ABLIM1: variants seen among roughly 807,000 people sequenced by gnomAD.
ABLIM1 encodes actin binding LIM protein 1.
ABLIM1 carries 40 observed loss-of-function variants against 107.0 expected under a neutral mutation model. That is an observed-to-expected ratio of 0.37 (90% CI 0.29 to 0.49). ABLIM1 has a LOEUF of 0.49. Among genes scored for constraint, ABLIM1 ranks in the 20% least tolerant of loss-of-function variants. ABLIM1 has a pLI of 0.97. For missense variants in ABLIM1, 857 were observed against 1,008.5 expected (o/e 0.85, Z 2.04); for synonymous variants, 357 against 357.3 (o/e 1.00, Z 0.01).
At chr10:114,663,246 G>A (rs765592675), upstream of ABLIM1, among the ~76,000 whole-genome samples, 3 of 152,134 alleles carry the variant, frequency 2.0e-5, no homozygotes, top group Non-Finnish European at 2.9e-5. Context: ...GAATCACTCT[G>A]GCTAGAATCA....
chr10:114,739,963 T>C (rs1161807074), intron 1 of ABLIM1, among the ~76,000 whole-genome samples: 1 of 152,132 alleles, frequency 6.6e-6, no homozygotes, highest in Non-Finnish European at 1.5e-5. Context: ...TTGAGTATAC[T>C]AGATGGATTC....
intron 6 of ABLIM1, among the ~76,000 whole-genome samples, chr10:114,502,516 A>G (rs1315512524): frequency 6.6e-6 from 1 of 151,670 alleles, no homozygotes; most frequent in Non-Finnish European, 1.5e-5. Flanking sequence ...TTATTTTTTG[A>G]GACAGAGATT....
chr10:114,717,726 G>A (rs1223102276), intron 1 of ABLIM1, among the ~76,000 whole-genome samples: 1 of 151,926 alleles, frequency 6.6e-6, no homozygotes, highest in East Asian at 1.9e-4. Context: ...ATCAGCCTGG[G>A]TAACATGGCA....
intron 1 of ABLIM1, among the ~76,000 whole-genome samples, chr10:114,746,173 C>T (rs2082380679): frequency 1.3e-5 from 2 of 152,152 alleles, no homozygotes; most frequent in Admixed American, 1.3e-4. Context: ...TATTCACATG[C>T]TCCGCCACTG....
upstream of ABLIM1, among the ~76,000 whole-genome samples, chr10:114,658,578 G>A (rs1195834119): frequency 6.6e-6 from 1 of 152,104 alleles, no homozygotes; most frequent in Non-Finnish European, 1.5e-5. Context: ...ATAGGGCTAG[G>A]GATATATACA....
At chr10:114,562,376 A>T (rs1273771620) in intron 4 of ABLIM1, among the ~76,000 whole-genome samples, 1 of 152,086 alleles carries the variant, frequency 6.6e-6, no homozygotes, top group East Asian at 1.9e-4. Flanking sequence ...AAAAATACAA[A>T]AAATTAGCCG....
chr10:114,559,790 C>A (rs2069397724), intron 4 of ABLIM1, among the ~76,000 whole-genome samples: 1 of 152,230 alleles, frequency 6.6e-6, no homozygotes, highest in South Asian at 2.1e-4. Context: ...ACTGTTGATA[C>A]TCTTTTTTCT....
intron 1 of ABLIM1, among the ~76,000 whole-genome samples, chr10:114,683,892 TAGGGAA>T (rs1334751183): frequency 6.6e-6 from 1 of 152,058 alleles, no homozygotes; most frequent in East Asian, 1.9e-4. Flanking sequence ...AACACAACTG[TAGGGAA>T]AGCATCCTAG....
chr10:114,712,130 A>C (rs2081562796), intron 1 of ABLIM1, among the ~76,000 whole-genome samples: 1 of 152,088 alleles, frequency 6.6e-6, no homozygotes, highest in Non-Finnish European at 1.5e-5. Context: ...AGGTGGTTGG[A>C]TCATTTGAGG....
the ABLIM1 span, among the ~76,000 whole-genome samples, chr10:114,790,446 G>C: frequency 3.7e-4 from 57 of 152,210 alleles, 2 homozygotes; most frequent in South Asian, 0.012. Flanking sequence ...ATGTCAAAGA[G>C]AGAAAAACCC....
intron 1 of ABLIM1, among the ~76,000 whole-genome samples, chr10:114,703,926 A>G (rs1280393020): frequency 1.3e-5 from 2 of 152,158 alleles, no homozygotes; most frequent in Non-Finnish European, 2.9e-5. Context: ...GCATCAATGT[A>G]AAGGAGTGAA....
intron 1 of ABLIM1, among the ~76,000 whole-genome samples, chr10:114,706,246 G>A (rs560662027): frequency 1.6e-4 from 24 of 152,316 alleles, no homozygotes; most frequent in Admixed American, 1.3e-3. Context: ...GAGTTCAACT[G>A]ATTTAGGCAC....
chr10:114,610,237 A>G (rs2076715044), intron 1 of ABLIM1, among the ~76,000 whole-genome samples: 1 of 152,230 alleles, frequency 6.6e-6, no homozygotes, highest in African/African-American at 2.4e-5. Flanking sequence ...AGGGTGAGAT[A>G]GCAAGGAAAC....
intron 1 of ABLIM1, chr10:114,684,278 G>C (rs769117029): frequency 6.2e-7 from 1 of 1,611,950 alleles, no homozygotes; most frequent in Non-Finnish European, 8.5e-7. Flanking sequence ...TTTACAAAAT[G>C]GACGGTCTAA....
the ABLIM1 span, among the ~76,000 whole-genome samples, chr10:114,800,755 T>C: frequency 9.2e-5 from 14 of 151,892 alleles, no homozygotes; most frequent in Non-Finnish European, 1.5e-4. Context: ...CTACTAAAAA[T>C]ACAAAAATTA....
rs1289909364 is a variant in ABLIM1, at chr10:114,619,735, C to A, written c.245-17774G>T. 6.6e-6 allele frequency among the ~76,000 whole-genome samples: 1 copy of A among 152,190 alleles called. No homozygotes were observed. Among genetic ancestry groups the A allele is most frequent in the Admixed American group, 6.5e-5 (1 of 15,276 alleles). Reference sequence around the variant, plus strand: ...GACTCATAGGGAAAAGTGATCCCAACTGAAAAAGCAATTCCAGAAATACCA... The same window carrying A: ...GACTCATAGGGAAAAGTGATCCCAAATGAAAAAGCAATTCCAGAAATACCA... On this transcript the variant is annotated intron_variant, in intron 1 of 22. Coordinates refer to ENST00000533213, the MANE Select transcript of ABLIM1 (RefSeq NM_002313.7). This position sits in a 1 kb window ranked among gnomAD's most constrained non-coding sequence, Gnocchi z 4.1.
At chr10:114,568,052 C>G (rs1348629078) in intron 4 of ABLIM1, among the ~76,000 whole-genome samples, 1 of 151,068 alleles carries the variant, frequency 6.6e-6, no homozygotes, top group African/African-American at 2.4e-5. Flanking sequence ...TAGCCGGGCG[C>G]GGTGGCAGGC....
chr10:114,714,007 G>C (rs2081608006), intron 1 of ABLIM1, among the ~76,000 whole-genome samples: 1 of 152,150 alleles, frequency 6.6e-6, no homozygotes, highest in African/African-American at 2.4e-5. Context: ...ACCTGGACTT[G>C]AAAAATCATC....
chr10:114,660,752 T>C (rs1367325203), upstream of ABLIM1, among the ~76,000 whole-genome samples: 1 of 152,310 alleles, frequency 6.6e-6, no homozygotes, highest in South Asian at 2.1e-4. Context: ...TTTTGTGAAA[T>C]ATAGATGTGT....
Sources: allele counts gnomAD v4.1 joint callset (sites outside exome capture counted in the v4.1 genomes callset), GRCh38; gene constraint gnomAD v4.1.1; non-coding constraint Gnocchi (gnomAD v3.1); transcripts MANE v1.5; gene names NCBI Gene and HGNC (gene_info 2026-07-23, HGNC 2026-07-21).